The following MDFIC2 variants were observed in gnomAD, a reference collection of about 807,000 sequenced individuals.
The protein encoded by MDFIC2 is MyoD family inhibitor domain containing 2.
At chr3:70,302,896 C>G (rs1302463005) in intron 2 of MDFIC2, among the ~76,000 whole-genome samples, 1 of 151,990 alleles carries the variant, frequency 6.6e-6, no homozygotes, top group East Asian at 1.9e-4. Context: ...ACTTCATAGG[C>G]TTAGTTGGAA....
intron 2 of MDFIC2, among the ~76,000 whole-genome samples, chr3:70,259,382 C>T (rs1165601068): frequency 2.6e-5 from 4 of 151,310 alleles, no homozygotes. Flanking sequence ...GAAATCACAA[C>T]ATGGAATTCC....
intron 2 of MDFIC2, among the ~76,000 whole-genome samples, chr3:70,257,048 G>A (rs942107272): frequency 3.3e-5 from 5 of 152,190 alleles, no homozygotes; most frequent in Non-Finnish European, 7.3e-5. Context: ...ATCTGATGGC[G>A]AAAAGCAGGA....
At chr3:70,229,479 T>C (rs1457552344) in intron 2 of MDFIC2, among the ~76,000 whole-genome samples, 1 of 152,350 alleles carries the variant, frequency 6.6e-6, no homozygotes. Context: ...TTCCTTTTTC[T>C]GGGCACACGG....
At chr3:70,233,244 G>T (rs1481722513) in intron 2 of MDFIC2, among the ~76,000 whole-genome samples, 2 of 152,096 alleles carry the variant, frequency 1.3e-5, no homozygotes, top group Non-Finnish European at 2.9e-5. Context: ...TAATTAAACT[G>T]CTCTGCAAAA....
At chr3:70,304,933 A>T (rs998797825) in intron 2 of MDFIC2, among the ~76,000 whole-genome samples, 2 of 150,606 alleles carry the variant, frequency 1.3e-5, no homozygotes, top group Non-Finnish European at 3.0e-5. Context: ...CTTCCTTTCT[A>T]TCCAGCTACT....
rs75524834 is a variant in MDFIC2, at chr3:70,299,526, C to A, written c.88+12360G>T. ...ATCCAGAAATCTCTGTAATCTCTGA[C>A]AACTCCTGTCTCTCTGATCCCTTAA... On this transcript the variant is annotated intron_variant, in intron 2 of 3. Coordinates refer to ENST00000567252, the MANE Select transcript of MDFIC2 (RefSeq NM_001364677.1). Among the ~76,000 whole-genome samples, 162 of 152,222 alleles carry A rather than the reference C, an allele frequency of 1.1e-3. 4 individuals carry two copies. The East Asian group carries it at 0.029, about 27-fold the overall frequency.
intron 3 of MDFIC2, chr3:70,205,743 T>C (rs1201880541): frequency 6.6e-6 from 1 of 152,110 alleles, no homozygotes; most frequent in Non-Finnish European, 1.5e-5. Flanking sequence ...TTTTTTCTTA[T>C]TTTCAAAAAG....
chr3:70,209,030 A>C (rs1325378247), intron 2 of MDFIC2, among the ~76,000 whole-genome samples: 2 of 152,068 alleles, frequency 1.3e-5, no homozygotes, highest in Non-Finnish European at 2.9e-5. Context: ...CTCTAACCCA[A>C]GAGGGATTCA....
At chr3:70,214,852 G>T (rs550477247) in intron 2 of MDFIC2, among the ~76,000 whole-genome samples, 1 of 151,930 alleles carries the variant, frequency 6.6e-6, no homozygotes, top group Non-Finnish European at 1.5e-5. Context: ...TTTGTAAAAA[G>T]TGTCTCAAGA....
intron 2 of MDFIC2, among the ~76,000 whole-genome samples, chr3:70,211,759 TC>T (rs1020861033): frequency 5.3e-5 from 8 of 149,564 alleles, no homozygotes; most frequent in African/African-American, 2.0e-4. Flanking sequence ...TTTCTGCTTT[TC>T]TTTCTCCCTT....
intron 2 of MDFIC2, among the ~76,000 whole-genome samples, chr3:70,250,249 C>A (rs1701748292): frequency 6.6e-6 from 1 of 152,282 alleles, no homozygotes. Flanking sequence ...GCTGCTGAAG[C>A]ACCAAATCTC....
At chr3:70,309,795 C>A (rs57078170) in intron 2 of MDFIC2, among the ~76,000 whole-genome samples, 1 of 151,920 alleles carries the variant, frequency 6.6e-6, no homozygotes. Context: ...AAACATAATT[C>A]GAGTGTAGCT....
chr3:70,242,537 C>A (rs1701674052), intron 2 of MDFIC2, among the ~76,000 whole-genome samples: 1 of 152,128 alleles, frequency 6.6e-6, no homozygotes, highest in South Asian at 2.1e-4. Context: ...CATTGCAATC[C>A]TTTCCAAAAC....
intron 2 of MDFIC2, among the ~76,000 whole-genome samples, chr3:70,242,214 T>G (rs974954801): frequency 6.6e-6 from 1 of 152,222 alleles, no homozygotes; most frequent in Admixed American, 6.5e-5. Flanking sequence ...ACCTTTTTTA[T>G]ATGACACATC....
chr3:70,248,453 G>A (rs940039795), intron 2 of MDFIC2, among the ~76,000 whole-genome samples: 1 of 151,996 alleles, frequency 6.6e-6, no homozygotes. Context: ...GTAGGGTTCA[G>A]GGTAGAAAGA....
chr3:70,209,511 A>T (rs890360088), intron 2 of MDFIC2, among the ~76,000 whole-genome samples: 7 of 152,062 alleles, frequency 4.6e-5, no homozygotes, highest in African/African-American at 1.7e-4. Context: ...AACAGATGGG[A>T]AATGTATGAA....
chr3:70,281,904 T>C (rs1022460223), intron 2 of MDFIC2, among the ~76,000 whole-genome samples: 1 of 152,176 alleles, frequency 6.6e-6, no homozygotes, highest in African/African-American at 2.4e-5. Flanking sequence ...AATCTTCAGT[T>C]TTAAAAAGCA....
chr3:70,310,505 A>G (rs901398689), intron 2 of MDFIC2, among the ~76,000 whole-genome samples: 19 of 152,022 alleles, frequency 1.2e-4, no homozygotes, highest in South Asian at 2.1e-4. Context: ...AGCTGGGACT[A>G]CAGGGGTGTG....
At chr3:70,311,507 T>C (rs1267127802) in intron 2 of MDFIC2, among the ~76,000 whole-genome samples, 2 of 152,222 alleles carry the variant, frequency 1.3e-5, no homozygotes, top group Non-Finnish European at 2.9e-5. Flanking sequence ...ATAGCAAGCA[T>C]TCCTTTCTGT....
Sources: gnomAD v4.1 joint callset for allele counts (sites outside exome capture counted in the v4.1 genomes callset) on GRCh38, gnomAD v4.1.1 for gene constraint, MANE v1.5 for transcripts, NCBI Gene and HGNC (gene_info 2026-07-23, HGNC 2026-07-21) for gene names.